Variants in PPAT observed in about 807,000 individuals in gnomAD.
PPAT encodes amidophosphoribosyltransferase.
Under a neutral mutation model 60.2 loss-of-function variants are expected in PPAT, and 20 were observed. That is an observed-to-expected ratio of 0.33 (90% CI 0.23 to 0.48). The LOEUF (loss-of-function observed/expected upper bound fraction) is 0.48, where lower values mean the gene tolerates loss of function less well. Ranked by LOEUF, PPAT falls within the 20% of genes least tolerant of loss-of-function variation. The pLI is 0.99. For missense variants in PPAT, 349 were observed against 629.6 expected (o/e 0.55, Z 4.77); for synonymous variants, 194 against 215.1 (o/e 0.90, Z 0.86).
At chr4:56,418,959 T>C (rs1287130323) in intron 1 of PPAT, among the ~76,000 whole-genome samples, 1 of 152,246 alleles carries the variant, frequency 6.6e-6, no homozygotes, top group East Asian at 1.9e-4. Context: ...AAATACTTCA[T>C]TTAAAATGGC....
At chr4:56,423,677 C>T (rs1717150971) in intron 1 of PPAT, among the ~76,000 whole-genome samples, 3 of 150,730 alleles carry the variant, frequency 2.0e-5, no homozygotes, top group Admixed American at 1.3e-4. Flanking sequence ...TTTTGTTTGG[C>T]ATGTTTGCAT....
Position 56,395,361 on chromosome 4 carries a change from T to C in PPAT, c.1545A>G (p.Leu515=), listed in dbSNP as rs371980582. 30 of 1,605,730 alleles carry C rather than the reference T, an allele frequency of 1.9e-5. No individual in the cohort carries two copies. Among genetic ancestry groups the C allele is most frequent in the Non-Finnish European group, 2.4e-5 (28 of 1,174,844 alleles). ...CATCCAACCCTACCAGCTACCATTC[T>C]AATTCTACAGGATATTTTCCAGTGA... is the stretch of plus-strand genomic sequence containing the variant. ...ACLTGKYPVE[L]EW Residue 515 remains leucine, a synonymous_variant, in exon 11 of 11, where the codon TTA becomes TTG. Coordinates refer to ENST00000264220, the MANE Select transcript of PPAT (RefSeq NM_002703.5).
At chr4:56,423,435 C>A (rs946394107) in intron 1 of PPAT, 1 of 151,928 alleles carries the variant, frequency 6.6e-6, no homozygotes, top group Non-Finnish European at 1.5e-5. Flanking sequence ...CCAGCCTGGG[C>A]AACACAGCAA....
Position 56,407,638 on chromosome 4 carries a change from G to A in PPAT, c.195+12C>T, listed in dbSNP as rs1311276467. The A allele has an allele frequency of 1.3e-6, 2 of 1,587,376 alleles. No homozygotes were observed. The highest frequency in any genetic ancestry group is 1.3e-5 in the African/African-American group (1 of 74,390). On this transcript the variant is annotated intron_variant, in intron 2 of 10. Coordinates refer to ENST00000264220, the MANE Select transcript of PPAT (RefSeq NM_002703.5). ...TGGTCTGTCATCAACATTTCTTAAA[G>A]TTCAAATTTACCTTGTGTGATTTGA...
chr4:56,417,293 GA>G (rs997043151), intron 1 of PPAT, among the ~76,000 whole-genome samples: 1 of 149,180 alleles, frequency 6.7e-6, no homozygotes, highest in Non-Finnish European at 1.5e-5. Context: ...ACCTAAATAA[GA>G]AAAAAAATTC....
intron 1 of PPAT, among the ~76,000 whole-genome samples, chr4:56,415,069 T>C (rs1202811830): frequency 2.0e-5 from 3 of 152,248 alleles, no homozygotes; most frequent in Non-Finnish European, 4.4e-5. Context: ...ATAAAGAGCA[T>C]ATCTTTTCTT....
In PPAT at chr4:56,419,815, T is replaced by G. The variant is rs141920038; in HGVS notation, c.129-12099A>C. On this transcript the variant is annotated intron_variant, in intron 1 of 10. Transcript: ENST00000264220. Reference sequence around the variant, plus strand: ...CAAATTGCAGCCAAGCTTCAGAAATTTGGAATAGACAGAGACTGGAAACAG... The same window carrying G: ...CAAATTGCAGCCAAGCTTCAGAAATGTGGAATAGACAGAGACTGGAAACAG... 15 of 984,648 alleles carry G rather than the reference T, an allele frequency of 1.5e-5. No homozygotes were observed. The East Asian group carries it at 1.2e-3, about 82-fold the overall frequency. The allele number at this position is 984,648 out of a possible 1,614,324, so 61.0% of individuals were successfully genotyped here. A position where few individuals can be genotyped will look rare whatever the true frequency, so the allele number is the denominator to read the frequency against.
intron 1 of PPAT, among the ~76,000 whole-genome samples, chr4:56,416,032 T>C (rs1716715690): frequency 6.7e-6 from 1 of 149,838 alleles, no homozygotes; most frequent in Non-Finnish European, 1.5e-5. Context: ...ATCACACCAC[T>C]GCACTCCAGC....
intron 3 of PPAT, among the ~76,000 whole-genome samples, chr4:56,405,811 CT>C (rs754385678): frequency 6.6e-6 from 1 of 152,182 alleles, no homozygotes; most frequent in Non-Finnish European, 1.5e-5. Flanking sequence ...ATACAAAGCA[CT>C]TTCTTGAGTT....
At chr4:56,424,794 G>A (rs1202679403) in intron 1 of PPAT, among the ~76,000 whole-genome samples, 3 of 152,148 alleles carry the variant, frequency 2.0e-5, no homozygotes, top group Admixed American at 1.3e-4. Flanking sequence ...ACTTAATTCC[G>A]CTCCAATATC....
chr4:56,402,235 T>C, intron 5 of PPAT, 54 bp from the exon 6 acceptor site: 1 of 1,347,958 alleles, frequency 7.4e-7, no homozygotes, highest in Non-Finnish European at 1.1e-6. Context: ...TAAGAGGCTA[T>C]TTCAATGGAA....
At chr4:56,402,831 AAAAAAAAAAAAAAAAAAG>A (rs1716147136) in intron 5 of PPAT, among the ~76,000 whole-genome samples, 191 bp downstream of exon 5, 2 of 136,880 alleles carry the variant, frequency 1.5e-5, no homozygotes, top group African/African-American at 2.7e-5. Context: ...AAAAAAAAAA[AAAAAAAAAAAAAAAAAAG>A]GGGGGGGACT....
chr4:56,428,390 G>A (rs1284855530), intron 1 of PPAT, among the ~76,000 whole-genome samples: 2 of 152,070 alleles, frequency 1.3e-5, no homozygotes, highest in Non-Finnish European at 2.9e-5. Context: ...GGGGCCACAA[G>A]AAACAAGAAA....
intron 1 of PPAT, chr4:56,420,079 T>A (rs1329029153): frequency 1.4e-6 from 1 of 734,382 alleles, no homozygotes; most frequent in African/African-American, 1.9e-5. Context: ...AATCTTAACA[T>A]CATGTTACAT....
chr4:56,433,397 TAA>T (rs34598008), intron 1 of PPAT, among the ~76,000 whole-genome samples: 4,578 of 118,230 alleles, frequency 0.039, 251 homozygotes, highest in African/African-American at 0.13. Context: ...TGGTATTCAT[TAA>T]AAAAAAAAAA....
At chr4:56,430,211 A>G (rs1209463385) in intron 1 of PPAT, among the ~76,000 whole-genome samples, 1 of 152,212 alleles carries the variant, frequency 6.6e-6, no homozygotes, top group African/African-American at 2.4e-5. Flanking sequence ...ATGTCTCTCA[A>G]TGGACATATG....
Position 56,431,494 on chromosome 4 carries a change from A to C in PPAT, c.128+3856T>G, listed in dbSNP as rs1342494371. On this transcript the variant is annotated intron_variant, in intron 1 of 10. Transcript: ENST00000264220. ...ATCAGTTTCCTCAAAGCGTAATAACAGAACCAAAAGATTCTACAGAATGTT... is the reference window on the plus strand; with the variant it reads ...ATCAGTTTCCTCAAAGCGTAATAACCGAACCAAAAGATTCTACAGAATGTT... 6 of 979,808 alleles carry C rather than the reference A, an allele frequency of 6.1e-6. No individual in the cohort carries two copies. In the African/African-American group the frequency reaches 1.1e-4, roughly 17 times the overall value. The allele number at this position is 979,808 out of a possible 1,614,324, so 60.7% of individuals were successfully genotyped here. A position where few individuals can be genotyped will look rare whatever the true frequency, so the allele number is the denominator to read the frequency against.
intron 1 of PPAT, chr4:56,431,485 C>G (rs915003693): frequency 1.0e-6 from 1 of 974,258 alleles, no homozygotes; most frequent in African/African-American, 1.8e-5. Flanking sequence ...TTCCTCAAAG[C>G]GTAATAACAG....
chr4:56,420,792 C>T (rs999194987), intron 1 of PPAT: 1 of 152,144 alleles, frequency 6.6e-6, no homozygotes, highest in Non-Finnish European at 1.5e-5. Flanking sequence ...TGAGACCCAT[C>T]ATAAATGTCT....
Sources: gnomAD v4.1 joint callset for allele counts (sites outside exome capture counted in the v4.1 genomes callset) on GRCh38, gnomAD v4.1.1 for gene constraint, MANE v1.5 for transcripts, NCBI Gene and HGNC (gene_info 2026-07-23, HGNC 2026-07-21) for gene names.